ARFGEF1: variants seen among roughly 807,000 people sequenced by gnomAD.
ARFGEF1 encodes brefeldin A-inhibited guanine nucleotide-exchange protein 1.
Under a neutral mutation model 231.0 loss-of-function variants are expected in ARFGEF1, and 42 were observed. The ratio of observed to expected loss-of-function variants is 0.18; its 90% CI spans 0.14 to 0.24. The LOEUF (loss-of-function observed/expected upper bound fraction) is 0.24. ARFGEF1 is among the 10% of genes least tolerant of loss of function. The pLI is 1.00. For missense variants in ARFGEF1, 1,345 were observed against 2,192.0 expected (o/e 0.61, Z 7.72); for synonymous variants, 710 against 732.3 (o/e 0.97, Z 0.49).
At chr8:67,283,624 C>T (rs1805629110) in intron 7 of ARFGEF1, among the ~76,000 whole-genome samples, 2 of 151,988 alleles carry the variant, frequency 1.3e-5, no homozygotes, top group South Asian at 2.1e-4. Flanking sequence ...TCACAGAATC[C>T]TAATACATAA....
At chr8:67,188,803 C>T (rs546181136) in intron 5 of ARFGEF1, among the ~76,000 whole-genome samples, 56 of 152,292 alleles carry the variant, frequency 3.7e-4, no homozygotes, top group African/African-American at 1.1e-3. Context: ...TGTTCCTGCA[C>T]GGCTAAGTGC....
rs966935328 is a variant in ARFGEF1, at chr8:67,277,212, A to G, written c.1203+70T>C. 5 of 1,458,666 alleles carry G rather than the reference A, an allele frequency of 3.4e-6. No homozygotes were observed. In the African/African-American group the frequency reaches 7.1e-5, roughly 21 times the overall value. The allele number at this position is 1,458,666 out of a possible 1,614,324, so 90.4% of individuals were successfully genotyped here. On this transcript the variant is annotated intron_variant, in intron 8 of 38. Transcript: ENST00000262215. ...ATCATCAGCTGAAAATACTCATGAC[A>G]AGGTGGTGGTAGCCTATAAATTTGT...
chr8:67,235,070 G>A (rs1587100794), intron 22 of ARFGEF1, among the ~76,000 whole-genome samples: 1 of 146,936 alleles, frequency 6.8e-6, no homozygotes. Flanking sequence ...GTGTATGTGT[G>A]TATATATATA....
At chr8:67,289,081 G>A (rs976480081) in intron 6 of ARFGEF1, among the ~76,000 whole-genome samples, 1 of 152,118 alleles carries the variant, frequency 6.6e-6, no homozygotes, top group African/African-American at 2.4e-5. Flanking sequence ...AGAAAAATAG[G>A]AATTCCACTG....
chr8:67,209,379 T>G (rs1470267066), intron 34 of ARFGEF1, among the ~76,000 whole-genome samples: 2 of 152,204 alleles, frequency 1.3e-5, no homozygotes. Context: ...GAATAGGCAA[T>G]TCACAAACAC....
At chr8:67,342,951 C>G (rs1808713680) in intron 1 of ARFGEF1, among the ~76,000 whole-genome samples, 1 of 152,170 alleles carries the variant, frequency 6.6e-6, no homozygotes, top group Non-Finnish European at 1.5e-5. Context: ...TTCCCGAGCC[C>G]AGCTCACTGC....
At chr8:67,207,956 A>G (rs1433769628) in intron 34 of ARFGEF1, among the ~76,000 whole-genome samples, 1 of 152,222 alleles carries the variant, frequency 6.6e-6, no homozygotes, top group Non-Finnish European at 1.5e-5. Context: ...CCCAGGAAAA[A>G]GTAGCCAAGT....
intron 1 of ARFGEF1, among the ~76,000 whole-genome samples, chr8:67,329,648 C>CA (rs553591930): frequency 1.2e-4 from 18 of 148,338 alleles, no homozygotes; most frequent in Non-Finnish European, 1.9e-4. Context: ...TTTCCAAACT[C>CA]AAAAAAAAAA....
intron 1 of ARFGEF1, among the ~76,000 whole-genome samples, chr8:67,327,749 C>G (rs1348708662): frequency 6.6e-6 from 1 of 152,188 alleles, no homozygotes; most frequent in Admixed American, 6.5e-5. Flanking sequence ...TCCCTGTATA[C>G]CTACACATAT....
intron 19 of ARFGEF1, among the ~76,000 whole-genome samples, chr8:67,247,723 A>C (rs749470782): frequency 6.6e-6 from 1 of 150,498 alleles, no homozygotes; most frequent in Non-Finnish European, 1.5e-5. Context: ...GAGGAATCAG[A>C]AAAGAGAAAG....
At chr8:67,203,010 G>T in intron 36 of ARFGEF1, 73 bp downstream of exon 36, 1 of 1,473,222 alleles carries the variant, frequency 6.8e-7, no homozygotes, top group Non-Finnish European at 9.2e-7. Flanking sequence ...CAGTCAATGA[G>T]TTCTGAGACC....
In ARFGEF1 at chr8:67,318,162, G is replaced by A. The variant is rs563843892; in HGVS notation, c.125-15696C>T. Among the ~76,000 whole-genome samples, 29 of 151,150 alleles carry A rather than the reference G, an allele frequency of 1.9e-4. No homozygotes were observed. The East Asian group carries it at 4.5e-3, about 23-fold the overall frequency. ...TGATGCAGGAGAATGGCGTGAACCC[G>A]GGAGCCGCAGCTTGCAGTGAGCCGA... On this transcript the variant is annotated intron_variant, in intron 1 of 38. Coordinates refer to ENST00000262215, the MANE Select transcript of ARFGEF1 (RefSeq NM_006421.5).
intron 23 of ARFGEF1, among the ~76,000 whole-genome samples, chr8:67,232,002 A>G (rs1839569783): frequency 1.3e-5 from 2 of 151,998 alleles, no homozygotes; most frequent in Admixed American, 1.3e-4. Context: ...GCAAGTAGAC[A>G]TTAAGAATTC....
chr8:67,342,502 T>C (rs565716540), intron 1 of ARFGEF1, among the ~76,000 whole-genome samples: 69 of 152,292 alleles, frequency 4.5e-4, no homozygotes, highest in Non-Finnish European at 9.1e-4. Flanking sequence ...TAAAGGTTCT[T>C]TGCTTCCCTG....
rs16933233 is a variant in ARFGEF1, at chr8:67,276,164, G to A, written c.1204-55C>T. ...TAGAGATATTTGCCAGTGTAAAATC[G>A]CTTCAGCCTTCTACTGTATTTCATT... On this transcript the variant is annotated intron_variant, in intron 8 of 38. Coordinates refer to ENST00000262215, the MANE Select transcript of ARFGEF1 (RefSeq NM_006421.5). The A allele has an allele frequency of 3.0e-3, 4,752 of 1,583,356 alleles. 127 individuals are homozygous for A. The African/African-American group carries it at 0.057, about 19-fold the overall frequency.
At chr8:67,209,159 T>G (rs1204034444) in intron 34 of ARFGEF1, among the ~76,000 whole-genome samples, 1 of 152,250 alleles carries the variant, frequency 6.6e-6, no homozygotes. Flanking sequence ...AGCAGAACTA[T>G]TCATGACAAC....
intron 1 of ARFGEF1, among the ~76,000 whole-genome samples, chr8:67,302,906 TA>T (rs139020447): frequency 0.016 from 1,630 of 101,998 alleles, 26 homozygotes; most frequent in African/African-American, 0.044. Flanking sequence ...CCCCATCTCT[TA>T]AAAAAAAAAA....
chr8:67,317,070 G>A (rs1430549111), intron 1 of ARFGEF1, among the ~76,000 whole-genome samples: 2 of 152,170 alleles, frequency 1.3e-5, no homozygotes, highest in Non-Finnish European at 2.9e-5. Flanking sequence ...CAAAGCTTGG[G>A]TAAGCTTTCC....
At chr8:67,260,864 G>A (rs1804588409) in intron 14 of ARFGEF1, among the ~76,000 whole-genome samples, 1 of 152,182 alleles carries the variant, frequency 6.6e-6, no homozygotes, top group African/African-American at 2.4e-5. Context: ...CTACTCCAGT[G>A]AATACACCAG....
Sources: allele counts gnomAD v4.1 joint callset (sites outside exome capture counted in the v4.1 genomes callset), GRCh38; gene constraint gnomAD v4.1.1; transcripts MANE v1.5; gene names NCBI Gene and HGNC (gene_info 2026-07-23, HGNC 2026-07-21).